ADGRL3: variants seen among roughly 807,000 people sequenced by gnomAD.
ADGRL3 encodes calcium-independent alpha-latrotoxin receptor 3.
In ADGRL3, 62 loss-of-function variants were observed where a neutral mutation model predicts 153.5. That is an observed-to-expected ratio of 0.40 (90% CI 0.33 to 0.50). The LOEUF (loss-of-function observed/expected upper bound fraction) is 0.50, where lower values mean the gene tolerates loss of function less well. ADGRL3 is among the 20% of genes least tolerant of loss of function. ADGRL3 has a pLI of 0.47. For synonymous variants in ADGRL3, 710 were observed against 672.5 expected, an observed-to-expected ratio of 1.06 and a Z score of -0.86; for missense variants, 1,641 against 1,859.4, an observed-to-expected ratio of 0.88 and a Z score of 2.16.
At position 61,619,091 on chromosome 4, in the gene ADGRL3, G is replaced by A. The variant is rs114261642; in HGVS notation, c.473+31651G>A. 7.0e-3 allele frequency among the ~76,000 whole-genome samples: 1,067 copies of A among 152,254 alleles called. 9 individuals are homozygous for A. The highest frequency in any genetic ancestry group is 0.022 in the African/African-American group (912 of 41,556). On this transcript the variant is annotated intron_variant, in intron 5 of 26. Transcript: ENST00000683033. The stretch of plus-strand genomic sequence containing the variant: ...GCAAATCACATGGCCAACTCTTGTA[G>A]AAGGCAAGTCACAGAGACAATTTGT...
chr4:61,667,183 T>G (rs1438408149), intron 5 of ADGRL3, among the ~76,000 whole-genome samples: 1 of 152,180 alleles, frequency 6.6e-6, no homozygotes, highest in African/African-American at 2.4e-5. Flanking sequence ...TCAAATATTG[T>G]CCAGAGGTAT....
chr4:61,678,562 A>G (rs2095263117), intron 6 of ADGRL3, among the ~76,000 whole-genome samples: 1 of 151,992 alleles, frequency 6.6e-6, no homozygotes. Context: ...ACTTTTACAT[A>G]AAAGGATTAT....
At chr4:61,425,447 GA>G (rs1419425602) in intron 2 of ADGRL3, 1 of 152,326 alleles carries the variant, frequency 6.6e-6, no homozygotes. Flanking sequence ...CCTACAGTTG[GA>G]AAGATTAGTC....
At chr4:61,513,401 T>A (rs1163600464) in intron 3 of ADGRL3, among the ~76,000 whole-genome samples, 3 of 152,214 alleles carry the variant, frequency 2.0e-5, no homozygotes, top group Admixed American at 2.0e-4. Context: ...ATACTTTACC[T>A]TTTAAAAACT....
chr4:61,587,289 C>T lies in ADGRL3; in HGVS notation c.322C>T (p.Pro108Ser). Residue 108 changes from proline to serine, a missense_variant, in exon 5 of 27, where the codon CCT (proline) becomes TCT (serine). This residue lies in a region of ADGRL3 where 213 missense variants were observed against 362.1 expected (regional missense o/e 0.59). Transcript: ENST00000683033. Reference sequence around the variant, plus strand: ...CAGAGAGCTATCCTGTGAGAGCTATCCTATAGAGCTTCGCTGTCCAGGAAC... The same window carrying T: ...CAGAGAGCTATCCTGTGAGAGCTATTCTATAGAGCTTCGCTGTCCAGGAAC... ...VRRELSCESYPIELRCPGTDV... is the reference protein window; with the variant it reads ...VRRELSCESYSIELRCPGTDV... 6.2e-7 allele frequency: 1 copy of T among 1,611,186 alleles called. No homozygotes were observed. Among genetic ancestry groups the T allele is most frequent in the Non-Finnish European group, 8.5e-7 (1 of 1,178,582 alleles).
chr4:61,403,209 A>G (rs1320176673), intron 2 of ADGRL3, among the ~76,000 whole-genome samples: 7 of 152,102 alleles, frequency 4.6e-5, no homozygotes, highest in Non-Finnish European at 8.8e-5. Context: ...AACCCTTAGA[A>G]TCTCTGAAGT....
chr4:61,815,312 A>G (rs1374662782), intron 9 of ADGRL3, among the ~76,000 whole-genome samples: 1 of 152,210 alleles, frequency 6.6e-6, no homozygotes, highest in African/African-American at 2.4e-5. Context: ...TAAAAACATG[A>G]AATATTTTAA....
chr4:61,307,419 C>T (rs565459013), intron 1 of ADGRL3, among the ~76,000 whole-genome samples: 3 of 152,166 alleles, frequency 2.0e-5, no homozygotes, highest in South Asian at 2.1e-4. Flanking sequence ...AAGTACCTTG[C>T]CCAAATTCAC....
intron 24 of ADGRL3, among the ~76,000 whole-genome samples, chr4:62,041,006 A>C (rs1318074115): frequency 1.3e-5 from 2 of 152,030 alleles, no homozygotes; most frequent in Non-Finnish European, 2.9e-5. Context: ...GGTTAGAGGG[A>C]GAATGAGATA....
chr4:62,036,924 A>T (rs1305226383), intron 23 of ADGRL3, among the ~76,000 whole-genome samples: 2 of 152,072 alleles, frequency 1.3e-5, no homozygotes, highest in Non-Finnish European at 2.9e-5. Context: ...TTTAGACATG[A>T]TAAAATTTTT....
At chr4:61,818,898 A>T (rs948353843) in intron 9 of ADGRL3, among the ~76,000 whole-genome samples, 5 of 152,224 alleles carry the variant, frequency 3.3e-5, no homozygotes, top group African/African-American at 1.2e-4. Flanking sequence ...AAAATTAATT[A>T]GACAAATAAA....
At chr4:61,703,659 C>A (rs976868679) in intron 6 of ADGRL3, among the ~76,000 whole-genome samples, 1 of 151,654 alleles carries the variant, frequency 6.6e-6, no homozygotes, top group Non-Finnish European at 1.5e-5. Flanking sequence ...ACTGTTATTT[C>A]TATTGTTGGA....
At chr4:61,980,487 A>T (rs1362953221) in intron 18 of ADGRL3, among the ~76,000 whole-genome samples, 1 of 151,032 alleles carries the variant, frequency 6.6e-6, no homozygotes, top group Admixed American at 6.6e-5. Flanking sequence ...TCATTCACGC[A>T]GGAGTGCAAT....
At chr4:61,232,385 T>A (rs2149204125) in intron 1 of ADGRL3, among the ~76,000 whole-genome samples, 1 of 150,712 alleles carries the variant, frequency 6.6e-6, no homozygotes, top group South Asian at 2.1e-4. Context: ...CTCGGCTCAC[T>A]GCAACCTCCA....
intron 2 of ADGRL3, among the ~76,000 whole-genome samples, chr4:61,471,963 C>T (rs1032497764): frequency 6.6e-6 from 1 of 151,854 alleles, no homozygotes; most frequent in African/African-American, 2.4e-5. Flanking sequence ...GTATTATGCA[C>T]AACACAATAC....
At chr4:61,600,339 G>A (rs2099006261) in intron 5 of ADGRL3, among the ~76,000 whole-genome samples, 1 of 127,716 alleles carries the variant, frequency 7.8e-6, no homozygotes, top group African/African-American at 2.8e-5. Flanking sequence ...GAAATGAATT[G>A]GAAATGAGAT....
intron 11 of ADGRL3, among the ~76,000 whole-genome samples, chr4:61,901,355 A>T (rs2098663469): frequency 6.6e-6 from 1 of 152,210 alleles, no homozygotes; most frequent in African/African-American, 2.4e-5. Context: ...TTGACATTTT[A>T]CAGTATTTTA....
chr4:61,359,591 A>T (rs919859017), intron 1 of ADGRL3, among the ~76,000 whole-genome samples: 2 of 152,126 alleles, frequency 1.3e-5, no homozygotes, highest in African/African-American at 4.8e-5. Context: ...ATAGCTTCCT[A>T]CCAGTTACAT....
At chr4:61,521,007 A>T (rs745436957) in intron 4 of ADGRL3, among the ~76,000 whole-genome samples, 6 of 152,064 alleles carry the variant, frequency 3.9e-5, no homozygotes, top group Non-Finnish European at 8.8e-5. Context: ...TTTAATCCCC[A>T]TTGGGTTAGG....
Sources: allele counts gnomAD v4.1 joint callset (sites outside exome capture counted in the v4.1 genomes callset), GRCh38; gene constraint gnomAD v4.1.1; regional missense constraint gnomAD v4.1.1; transcripts MANE v1.5; gene names NCBI Gene and HGNC (gene_info 2026-07-23, HGNC 2026-07-21).